Variants in LNX2 observed in about 807,000 individuals in gnomAD.
The protein encoded by LNX2 is ligand of Numb protein X 2.
In LNX2, 35 loss-of-function variants were observed where a neutral mutation model predicts 66.2. The observed-to-expected ratio is 0.53, with a 90% CI of 0.40 to 0.70. The LOEUF is 0.70. Among genes scored for constraint, LNX2 ranks in the 30% least tolerant of loss-of-function variants. The probability of loss-of-function intolerance (pLI) is 0.00; values close to 1 mark genes in which losing one functional copy is unlikely to be tolerated. For missense variants in LNX2, 791 were observed against 850.8 expected (o/e 0.93, Z 0.87); for synonymous variants, 337 against 315.6 (o/e 1.07, Z -0.72).
Position 27,581,322 on chromosome 13 carries a change from C to G in LNX2, c.382G>C (p.Asp128His). Residue 128 changes from aspartate to histidine, a missense_variant, in exon 2 of 10, where the codon GAT (aspartate) becomes CAT (histidine). Transcript: ENST00000316334. ...CTGTTTTTGAGATGTGCCTCCAGATCACAACGTTGCATTACATCTTTGCAC... is the reference window on the plus strand; with the variant it reads ...CTGTTTTTGAGATGTGCCTCCAGATGACAACGTTGCATTACATCTTTGCAC... The part of the protein sequence containing the change: ...SVCKDVMQRC[D>H]LEAHLKNRCP... The G allele has an allele frequency of 1.3e-6, 2 of 1,499,570 alleles. No homozygotes were observed. Among genetic ancestry groups the G allele is most frequent in the Non-Finnish European group, 1.8e-6 (2 of 1,122,006 alleles). The allele number at this position is 1,499,570 out of a possible 1,614,324, so 92.9% of individuals were successfully genotyped here. A position where few individuals can be genotyped will look rare whatever the true frequency, so the allele number is the denominator to read the frequency against.
intron 1 of LNX2, among the ~76,000 whole-genome samples, chr13:27,597,381 T>C (rs1955610329): frequency 6.6e-6 from 1 of 152,164 alleles, no homozygotes; most frequent in South Asian, 2.1e-4. Context: ...CTTGGAGAAG[T>C]ACACGGGCTC....
At chr13:27,585,335 T>C (rs889093295) in intron 1 of LNX2, among the ~76,000 whole-genome samples, 30 of 151,598 alleles carry the variant, frequency 2.0e-4, no homozygotes, top group African/African-American at 6.8e-4. Context: ...GGCGGGAGAA[T>C]GGCATCAACC....
intron 2 of LNX2, among the ~76,000 whole-genome samples, chr13:27,570,969 G>C (rs910351328): frequency 6.6e-6 from 1 of 152,156 alleles, no homozygotes; most frequent in African/African-American, 2.4e-5. Flanking sequence ...AAAAGGAAAA[G>C]CTAAAGTTGT....
chr13:27,558,527 C>A (rs901813000), intron 6 of LNX2, among the ~76,000 whole-genome samples: 2 of 151,940 alleles, frequency 1.3e-5, no homozygotes, highest in South Asian at 2.1e-4. Flanking sequence ...GTTATATACA[C>A]CCCTATCTCA....
At chr13:27,587,835 C>T (rs904754094) in intron 1 of LNX2, among the ~76,000 whole-genome samples, 14 of 152,056 alleles carry the variant, frequency 9.2e-5, no homozygotes, top group Middle Eastern at 3.2e-3. Context: ...TCCTGGCTAA[C>T]ACAGTGAAAC....
At chr13:27,579,859 G>T (rs147077715) in intron 2 of LNX2, among the ~76,000 whole-genome samples, 150 of 152,230 alleles carry the variant, frequency 9.9e-4, no homozygotes, top group African/African-American at 3.5e-3. Flanking sequence ...TTTCCAGGAG[G>T]CCTCTGCCAT....
chr13:27,582,392 A>G (rs1388543069), intron 1 of LNX2, among the ~76,000 whole-genome samples: 1 of 152,204 alleles, frequency 6.6e-6, no homozygotes, highest in African/African-American at 2.4e-5. Flanking sequence ...TAGATTATAT[A>G]GTGTGACATA....
At chr13:27,566,139 T>G (rs1955202791) in intron 4 of LNX2, among the ~76,000 whole-genome samples, 1 of 152,192 alleles carries the variant, frequency 6.6e-6, no homozygotes, top group Non-Finnish European at 1.5e-5. Flanking sequence ...CAATTCTCTG[T>G]AACTCATCAC....
chr13:27,588,457 A>G (rs2138419336), intron 1 of LNX2, among the ~76,000 whole-genome samples: 1 of 152,342 alleles, frequency 6.6e-6, no homozygotes, highest in Middle Eastern at 3.4e-3. Context: ...TGCATATAAC[A>G]TTCTTGAAAT....
At chr13:27,559,816 G>T in intron 6 of LNX2, 26 bp downstream of exon 6, 1 of 1,481,324 alleles carries the variant, frequency 6.8e-7, no homozygotes, top group Non-Finnish European at 9.0e-7. Context: ...TTTGATGGTG[G>T]CATAAAAAAA....
At chr13:27,557,888 C>A (rs1314861382) in intron 6 of LNX2, among the ~76,000 whole-genome samples, 1 of 152,046 alleles carries the variant, frequency 6.6e-6, no homozygotes, top group Non-Finnish European at 1.5e-5. Context: ...ACAAACACAA[C>A]TTTATTCTGA....
At chr13:27,583,965 G>C (rs952093489) in intron 1 of LNX2, among the ~76,000 whole-genome samples, 4 of 152,110 alleles carry the variant, frequency 2.6e-5, no homozygotes, top group Non-Finnish European at 5.9e-5. Flanking sequence ...GGAAGTATCA[G>C]CCAGAGAGAA....
At chr13:27,582,558 T>C (rs1201960493) in intron 1 of LNX2, among the ~76,000 whole-genome samples, 1 of 152,178 alleles carries the variant, frequency 6.6e-6, no homozygotes, top group Non-Finnish European at 1.5e-5. Flanking sequence ...TTCTGATTGA[T>C]TTTACACATT....
intron 2 of LNX2, among the ~76,000 whole-genome samples, chr13:27,575,423 A>C (rs1208330504): frequency 6.6e-6 from 1 of 152,222 alleles, no homozygotes; most frequent in Non-Finnish European, 1.5e-5. Context: ...TGGACTCCAT[A>C]AAGTATAAAG....
At chr13:27,560,136 G>A (rs1955113635) in intron 5 of LNX2, 151 bp from the exon 6 acceptor site, 3 of 539,322 alleles carry the variant, frequency 5.6e-6, no homozygotes, top group Non-Finnish European at 9.1e-6. Flanking sequence ...CAAGAGGAAT[G>A]AGTTCATTTC....
At position 27,562,497 on chromosome 13, in the gene LNX2, C is replaced by A. The variant is rs2138341583; in HGVS notation, c.1140G>T (p.Arg380Ser). ...CCAGCACTCGGTCATTGCTGCTTAG[C>A]CTGCCGTCCTGGGCAGCCAACCCCC... is the stretch of plus-strand genomic sequence containing the variant. ...LEGGLAAQDG[R>S]LSSNDRVLAI... Residue 380 changes from arginine to serine, a missense_variant, in exon 5 of 10, where the codon AGG (arginine) becomes AGT (serine). Coordinates refer to ENST00000316334, the MANE Select transcript of LNX2 (RefSeq NM_153371.4). 2 of 1,614,172 alleles carry A rather than the reference C, an allele frequency of 1.2e-6. No individual in the cohort carries two copies.
chr13:27,556,250 C>T lies in LNX2; in HGVS notation c.1532G>A (p.Gly511Asp). Residue 511 changes from glycine to aspartate, a missense_variant, in exon 7 of 10, where the codon GGC becomes GAC. Gly to Asp is a moderately conservative substitution (Grantham distance 94). Coordinates refer to ENST00000316334, the MANE Select transcript of LNX2 (RefSeq NM_153371.4). Reference sequence around the variant, plus strand: ...TCCCATCTTACCTCTCTTTATTCTGCCATCTCGTGCAAGGCAGCCATGGGG... The same window carrying T: ...TCCCATCTTACCTCTCTTTATTCTGTCATCTCGTGCAAGGCAGCCATGGGG... Reference protein sequence around the residue: ...VPPHGCLARDGRIKRGDVLLN... With the variant: ...VPPHGCLARDDRIKRGDVLLN... 1 of 1,613,588 alleles carries T rather than the reference C, an allele frequency of 6.2e-7. No individual in the cohort carries two copies. Among genetic ancestry groups the T allele is most frequent in the South Asian group, 1.1e-5 (1 of 91,010 alleles).
intron 1 of LNX2, among the ~76,000 whole-genome samples, chr13:27,619,397 G>A (rs927179958): frequency 1.2e-4 from 19 of 152,196 alleles, no homozygotes; most frequent in African/African-American, 4.6e-4. Flanking sequence ...AACTTCATTA[G>A]TGCTGCATCG....
At chr13:27,565,830 G>C (rs1227406999) in intron 4 of LNX2, among the ~76,000 whole-genome samples, 1 of 152,192 alleles carries the variant, frequency 6.6e-6, no homozygotes, top group Non-Finnish European at 1.5e-5. Context: ...CATACAAGCG[G>C]GAGTGGAAAT....
Sources: gnomAD v4.1 joint callset for allele counts (sites outside exome capture counted in the v4.1 genomes callset) on GRCh38, gnomAD v4.1.1 for gene constraint, MANE v1.5 for transcripts, NCBI Gene and HGNC (gene_info 2026-07-23, HGNC 2026-07-21) for gene names.